Variants in PHTF1 observed in about 807,000 individuals in gnomAD.
The protein encoded by PHTF1 is protein PHTF1.
Under a neutral mutation model 102.4 loss-of-function variants are expected in PHTF1, and 88 were observed. The ratio of observed to expected loss-of-function variants is 0.86; its 90% CI spans 0.72 to 1.03. The LOEUF is 1.03. Ranked by LOEUF, PHTF1 falls within the 50% of genes least tolerant of loss-of-function variation. PHTF1 has a pLI of 0.00. For missense variants in PHTF1, 814 were observed against 909.5 expected (o/e 0.89, Z 1.35); for synonymous variants, 289 against 305.2 (o/e 0.95, Z 0.55).
chr1:113,727,784 G>A (rs747850509), intron 5 of PHTF1, among the ~76,000 whole-genome samples: 3 of 151,822 alleles, frequency 2.0e-5, no homozygotes, highest in African/African-American at 4.8e-5. Context: ...TGGGCAACAC[G>A]GCAAAACCCC....
rs1557899233 is a variant in PHTF1 at position 113,698,345 on chromosome 1, GATTC to G, written c.2181_2184del (p.Met727IlefsTer3). 1.9e-6 allele frequency: 3 copies of G among 1,608,534 alleles called. No individual in the cohort carries two copies. Among genetic ancestry groups the G allele is most frequent in the Non-Finnish European group, 8.5e-7 (1 of 1,175,118 alleles). On this transcript the variant is annotated frameshift_variant, in exon 18 of 19. Transcript: ENST00000369604. LOFTEE classifies it high-confidence loss of function. Reference sequence around the variant, plus strand: ...ACTCTTGTGATATTGTAGATTAAGGGATTCATTGTCAGTCCATAGAGTCTAAATG... The same window carrying G: ...ACTCTTGTGATATTGTAGATTAAGGGATTGTCAGTCCATAGAGTCTAAATG...
Position 113,704,711 on chromosome 1 carries a change from C to T in PHTF1, c.1758G>A (p.Lys586=). 1 of 1,589,790 alleles carries T rather than the reference C, an allele frequency of 6.3e-7. No homozygotes were observed. The highest frequency in any genetic ancestry group is 2.2e-5 in the East Asian group (1 of 44,722). ...KYEIPHFRLK[K]VENIKIWLSL... is the part of the protein sequence containing the mutation. The stretch of plus-strand genomic sequence containing the variant: ...ATAACCATATTTTAATATTCTCCAC[C>T]TTCTTAAGTCTGAAATGAGGTATTT... The change falls in exon 14 of 19, where the codon AAG becomes AAA. Residue 586 remains lysine (K), a synonymous_variant. Coordinates refer to ENST00000369604, the MANE Select transcript of PHTF1 (RefSeq NM_001323043.2).
chr1:113,732,979 T>C (rs6537795), intron 5 of PHTF1, among the ~76,000 whole-genome samples: 112,861 of 151,140 alleles, frequency 0.75, 42,755 homozygotes, highest in African/African-American at 0.83. Context: ...TCACTGTAAC[T>C]TCGAACTCCT....
chr1:113,714,951 G>A (rs879592492), intron 7 of PHTF1: 9 of 152,286 alleles, frequency 5.9e-5, no homozygotes, highest in Admixed American at 5.9e-4. Flanking sequence ...ATTTGTTTGG[G>A]AGAAAGTTAG....
At position 113,697,543 on chromosome 1, in the gene PHTF1, G is replaced by A. The variant is rs1648928979; in HGVS notation, c.*162C>T. The A allele has an allele frequency of 1.7e-6, 1 of 580,450 alleles. No individual in the cohort carries two copies. The highest frequency in any genetic ancestry group is 3.0e-5 in the East Asian group (1 of 33,792). The allele number at this position is 580,450 out of a possible 1,614,324, so 36.0% of individuals were successfully genotyped here. ...TAGCATGCACACCCAGTTGGAAAAG[G>A]ACTTGCTCCTCCGGAAACACCATTC... On this transcript the variant is annotated 3_prime_UTR_variant, in exon 19 of 19. Coordinates refer to ENST00000369604, the MANE Select transcript of PHTF1 (RefSeq NM_001323043.2).
chr1:113,715,999 T>G (rs1322559305), intron 7 of PHTF1, among the ~76,000 whole-genome samples: 2 of 151,880 alleles, frequency 1.3e-5, no homozygotes, highest in Non-Finnish European at 2.9e-5. Flanking sequence ...AATCTAAGAG[T>G]TACTGACCTT....
At chr1:113,709,052 T>TAAG (rs966588968) in intron 11 of PHTF1, among the ~76,000 whole-genome samples, 3 of 152,034 alleles carry the variant, frequency 2.0e-5, no homozygotes, top group African/African-American at 7.2e-5. Flanking sequence ...ACCCAGGAGT[T>TAAG]AAGACCAGCC....
chr1:113,734,536 G>A (rs182040062), intron 5 of PHTF1, among the ~76,000 whole-genome samples: 80 of 152,372 alleles, frequency 5.3e-4, no homozygotes, highest in Middle Eastern at 3.4e-3. Context: ...CGCAAGTGAT[G>A]AAATTGCATA....
At chr1:113,717,207 T>G (rs1296141677) in intron 7 of PHTF1, among the ~76,000 whole-genome samples, 1 of 150,736 alleles carries the variant, frequency 6.6e-6, no homozygotes, top group East Asian at 1.9e-4. Flanking sequence ...ACCCCCAAAT[T>G]AAAAAAATAA....
chr1:113,738,159 A>T lies in PHTF1; in HGVS notation c.282T>A (p.Val94=), dbSNP rs2273757. Residue 94 remains valine, a synonymous_variant, in exon 5 of 19, where the codon GTT becomes GTA. Transcript: ENST00000369604. The part of the protein sequence containing the change: ...FPLFSNWWIQ[V]TSLRIFVWLL... Reference sequence around the variant, plus strand: ...GCCAAACAAAGATTCTTAAAGAGGTAACCTGAATCCACCAATTGCTGAACA... The same window carrying T: ...GCCAAACAAAGATTCTTAAAGAGGTTACCTGAATCCACCAATTGCTGAACA... 2 of 1,612,844 alleles carry T rather than the reference A, an allele frequency of 1.2e-6. No individual in the cohort carries two copies. Among genetic ancestry groups the T allele is most frequent in the South Asian group, 2.2e-5 (2 of 91,036 alleles).
chr1:113,699,223 G>A (rs1197965980), intron 17 of PHTF1: 3 of 225,068 alleles, frequency 1.3e-5, no homozygotes, highest in African/African-American at 4.7e-5. Flanking sequence ...GCAAGGGTAG[G>A]TAGTGTGAGT....
chr1:113,706,863 T>C, intron 11 of PHTF1, 141 bp from the exon 12 acceptor site: 1 of 597,596 alleles, frequency 1.7e-6, no homozygotes, highest in Non-Finnish European at 2.8e-6. Flanking sequence ...TTTTTTTTTT[T>C]TTTTTTTTTT....
intron 15 of PHTF1, among the ~76,000 whole-genome samples, chr1:113,702,350 TAGC>T (rs1649540289): frequency 1.3e-5 from 2 of 151,806 alleles, no homozygotes; most frequent in Admixed American, 1.3e-4. Context: ...AAAGGAAAAT[TAGC>T]AGGTAGAAAA....
At chr1:113,756,786 G>C (rs980161139) in intron 3 of PHTF1, among the ~76,000 whole-genome samples, 2 of 152,166 alleles carry the variant, frequency 1.3e-5, no homozygotes, top group Non-Finnish European at 1.5e-5. Context: ...TTATATAACA[G>C]TTTTTGGTCA....
At chr1:113,729,343 C>T (rs1654298351) in intron 5 of PHTF1, among the ~76,000 whole-genome samples, 1 of 152,070 alleles carries the variant, frequency 6.6e-6, no homozygotes, top group South Asian at 2.1e-4. Flanking sequence ...TATTTGATAG[C>T]ACAACAGGCT....
intron 3 of PHTF1, among the ~76,000 whole-genome samples, chr1:113,755,124 A>G (rs1658654678): frequency 6.6e-6 from 1 of 151,838 alleles, no homozygotes; most frequent in Non-Finnish European, 1.5e-5. Context: ...ATATAACAGT[A>G]CTGTGATATG....
In PHTF1 at chr1:113,740,419, T is replaced by G. The variant is rs576008227; in HGVS notation, c.103-1620A>C. ...TCATTCACCCATTTTAAAATTGAAG[T>G]ATTTGGATTTTTGCTATTGAGTTAT... On this transcript the variant is annotated intron_variant, in intron 3 of 18. Coordinates refer to ENST00000369604, the MANE Select transcript of PHTF1 (RefSeq NM_001323043.2). Among the ~76,000 whole-genome samples the G allele has an allele frequency of 3.9e-5, 6 of 152,322 alleles. No individual in the cohort carries two copies. In the South Asian group the frequency reaches 1.2e-3, roughly 32 times the overall value.
chr1:113,731,493 T>C (rs1392430917), intron 5 of PHTF1, among the ~76,000 whole-genome samples: 9 of 151,622 alleles, frequency 5.9e-5, no homozygotes, highest in Non-Finnish European at 1.3e-4. Context: ...ATCACGCCAC[T>C]GCACTCCAGC....
chr1:113,715,868 G>A (rs1176629248), intron 7 of PHTF1, among the ~76,000 whole-genome samples: 2 of 150,418 alleles, frequency 1.3e-5, no homozygotes, highest in African/African-American at 2.4e-5. Flanking sequence ...TGATCAAGCA[G>A]AAGAAAGAAT....
Sources: allele counts gnomAD v4.1 joint callset (sites outside exome capture counted in the v4.1 genomes callset), GRCh38; gene constraint gnomAD v4.1.1; transcripts MANE v1.5; gene names NCBI Gene and HGNC (gene_info 2026-07-23, HGNC 2026-07-21).